The following MGST1 variants were observed in gnomAD, a reference collection of about 807,000 sequenced individuals.
MGST1 encodes the protein microsomal glutathione S-transferase 1, also known as glutathione S-transferase 12.
MGST1 carries 5 observed loss-of-function variants against 8.9 expected under a neutral mutation model. The observed-to-expected ratio is 0.56, with a 90% CI of 0.29 to 1.19. MGST1 has a LOEUF of 1.19. Ranked by LOEUF, MGST1 falls within the 50% of genes most tolerant of loss-of-function variation. The pLI is 0.08. For synonymous variants in MGST1, 54 were observed against 67.8 expected (o/e 0.80, Z 1.00); for missense variants, 182 against 187.4 (o/e 0.97, Z 0.17).
At chr12:16,372,611 C>G (rs1432524073) in intron 3 of MGST1, among the ~76,000 whole-genome samples, 2 of 151,968 alleles carry the variant, frequency 1.3e-5, no homozygotes, top group African/African-American at 4.8e-5. Flanking sequence ...TTGTGGAAAA[C>G]AGTATGAAGA....
At position 16,582,084 on chromosome 12, in the gene MGST1, T is replaced by TTAAA. The variant is rs1310118001; in HGVS notation, n.483-7442_483-7441insAATA. Among the ~76,000 whole-genome samples the TTAAA allele has an allele frequency of 6.6e-6, 1 of 152,190 alleles. No homozygotes were observed. Among genetic ancestry groups the TTAAA allele is most frequent in the Non-Finnish European group, 1.5e-5 (1 of 68,022 alleles). ...GGCTTTTTCTTGGCTTTAATGGAAATTACTTTAGTATTTAGCTGTTTTATA... is the reference window on the plus strand; with the variant it reads ...GGCTTTTTCTTGGCTTTAATGGAAATTAAATACTTTAGTATTTAGCTGTTTTATA... On this transcript the variant is annotated intron_variant and non_coding_transcript_variant, in intron 4 of 4. Coordinates refer to the MGST1 transcript ENST00000538857. The surrounding 1 kb of genome is among the most constrained non-coding windows in gnomAD (Gnocchi z 4.1).
At chr12:16,376,123 A>G in exon 4 of MGST1, 3 of 1,328,196 alleles carry the variant, frequency 2.3e-6, no homozygotes, top group Non-Finnish European at 3.1e-6. Context: ...ATTGTTTAGA[A>G]TCAAACAAAC....
rs541007495 is a variant in MGST1 at position 16,418,551 on chromosome 12, C to A, written n.779-18837C>A. On this transcript the variant is annotated intron_variant and non_coding_transcript_variant, in intron 1 of 1. Coordinates refer to the MGST1 transcript ENST00000359720. ...GAACCAAACTCAGTTCCCTCACTCA[C>A]CTCTGTTGTACCCAGAAGCAAACTC... Among the ~76,000 whole-genome samples the A allele has an allele frequency of 1.4e-4, 21 of 152,286 alleles. No homozygotes were observed. In the South Asian group the frequency reaches 4.1e-3, roughly 30 times the overall value.
At chr12:16,454,857 T>A (rs2137117062) in intron 4 of MGST1, among the ~76,000 whole-genome samples, 2 of 39,770 alleles carry the variant, frequency 5.0e-5, no homozygotes, top group Admixed American at 3.3e-4. Flanking sequence ...AAATCATCAG[T>A]AAGTTTAAGT....
rs539997539 is a variant in MGST1 at position 16,400,381 on chromosome 12, C to T, written n.778+16777C>T. 1.2e-4 allele frequency: 102 copies of T among 822,446 alleles called. 3 individuals are homozygous for T. The highest frequency in any genetic ancestry group is 7.9e-4 in the South Asian group (58 of 73,876). 50.9% of individuals were successfully genotyped at this position (822,446 alleles called of 1,614,324 possible). ...AGATATGAAGCGGAAGCCATTGACACGGGCCTCCAGTGAGCCTTGCAGCCT... is the reference window on the plus strand; with the variant it reads ...AGATATGAAGCGGAAGCCATTGACATGGGCCTCCAGTGAGCCTTGCAGCCT... On this transcript the variant is annotated intron_variant and non_coding_transcript_variant, in intron 1 of 1. Transcript: ENST00000359720.
intron 4 of MGST1, among the ~76,000 whole-genome samples, chr12:16,522,546 CATT>C (rs1398206806): frequency 6.6e-6 from 1 of 151,920 alleles, no homozygotes; most frequent in Non-Finnish European, 1.5e-5. Context: ...TACTTGCCAT[CATT>C]ATTATCCCCA....
At chr12:16,383,938 A>G (rs1052969215) in intron 1 of MGST1, among the ~76,000 whole-genome samples, 11 of 152,080 alleles carry the variant, frequency 7.2e-5, no homozygotes, top group Non-Finnish European at 1.2e-4. Context: ...ATTTTTTTTC[A>G]TTAACACTAT....
At chr12:16,416,672 T>C (rs1189618291) in intron 1 of MGST1, among the ~76,000 whole-genome samples, 2 of 152,108 alleles carry the variant, frequency 1.3e-5, no homozygotes, top group South Asian at 2.1e-4. Flanking sequence ...ACATTGGAGA[T>C]TGGGGTTTTA....
intron 4 of MGST1, among the ~76,000 whole-genome samples, chr12:16,507,412 A>T (rs759290094): frequency 6.6e-6 from 1 of 152,136 alleles, no homozygotes; most frequent in Non-Finnish European, 1.5e-5. Flanking sequence ...CATTTTTGGA[A>T]GTTAGTGAGA....
At chr12:16,460,675 C>G (rs1941212075) in intron 4 of MGST1, among the ~76,000 whole-genome samples, 1 of 150,358 alleles carries the variant, frequency 6.7e-6, no homozygotes, top group Admixed American at 6.6e-5. Flanking sequence ...ACTTCTAACT[C>G]ATTCTCTACG....
At chr12:16,426,830 G>A (rs1940893730) in intron 1 of MGST1, among the ~76,000 whole-genome samples, 1 of 151,872 alleles carries the variant, frequency 6.6e-6, no homozygotes, top group African/African-American at 2.4e-5. Flanking sequence ...AAATTAGCCG[G>A]GCGTGATGGC....
chr12:16,555,804 T>A lies in MGST1; in HGVS notation n.483-33724T>A, dbSNP rs972772109. On this transcript the variant is annotated intron_variant and non_coding_transcript_variant, in intron 4 of 4. Coordinates refer to the MGST1 transcript ENST00000538857. The surrounding 1 kb of genome is among the most constrained non-coding windows in gnomAD (Gnocchi z 5.5). ...GTTGCTCAATTTGCCTGAAAATTCC[T>A]TTCCTCACTGCTCCCTGGCTCCCTC... Among the ~76,000 whole-genome samples the A allele has an allele frequency of 2.0e-5, 3 of 152,178 alleles. No individual in the cohort carries two copies. The highest frequency in any genetic ancestry group is 4.4e-5 in the Non-Finnish European group (3 of 68,030).
chr12:16,347,165 T>C (rs2136890470), upstream of MGST1: 1 of 152,300 alleles, frequency 6.6e-6, no homozygotes, highest in South Asian at 2.1e-4. This position sits in a 1 kb window ranked among gnomAD's most constrained non-coding sequence, Gnocchi z 4.0. Context: ...AATTGTCTGG[T>C]ATCATGAATT....
chr12:16,494,502 T>C lies in MGST1; in HGVS notation n.483-95026T>C, dbSNP rs189825146. ...AGACCTGGACTAACAAACAGAAATA[T>C]GTTAATCTATAAAATTCTTTGCAAG... On this transcript the variant is annotated intron_variant and non_coding_transcript_variant, in intron 4 of 4. Transcript: ENST00000538857. 4.3e-4 allele frequency among the ~76,000 whole-genome samples: 65 copies of C among 152,276 alleles called. No homozygotes were observed. The East Asian group carries it at 0.012, about 28-fold the overall frequency.
intron 1 of MGST1, among the ~76,000 whole-genome samples, chr12:16,404,717 CT>C (rs1425288255): frequency 6.6e-6 from 1 of 152,054 alleles, no homozygotes; most frequent in Admixed American, 6.6e-5. Context: ...TATTTTAATA[CT>C]TTTTTAAACT....
chr12:16,582,360 T>G lies in MGST1; in HGVS notation n.483-7168T>G, dbSNP rs994122854. ...CTATAGTATTATTCATTTTAGACAG[T>G]GACAGACTATTTGCTAATATCTTTC... On this transcript the variant is annotated intron_variant and non_coding_transcript_variant, in intron 4 of 4. Coordinates refer to the MGST1 transcript ENST00000538857. The surrounding 1 kb of genome is among the most constrained non-coding windows in gnomAD (Gnocchi z 4.1). Among the ~76,000 whole-genome samples the G allele has an allele frequency of 1.3e-5, 2 of 152,350 alleles. No homozygotes were observed. The highest frequency in any genetic ancestry group is 6.8e-3 in the Middle Eastern group (2 of 294).
Position 16,362,392 on chromosome 12 carries a change from T to A in MGST1, c.222-1403T>A, listed in dbSNP as rs1383573199. ...TTCATGTCTCTATGTAGTCATCCTC[T>A]TTGTGAGACAAGCTTAGAGATAATC... On this transcript the variant is annotated intron_variant, in intron 3 of 3. Coordinates refer to ENST00000396210, the MANE Select transcript of MGST1 (RefSeq NM_020300.5). This position sits in a 1 kb window ranked among gnomAD's most constrained non-coding sequence, Gnocchi z 4.4. Among the ~76,000 whole-genome samples the A allele has an allele frequency of 1.0e-5, 1 of 99,728 alleles. No homozygotes were observed. The highest frequency in any genetic ancestry group is 2.0e-5 in the Non-Finnish European group (1 of 51,008). The allele number at this position is 99,728 out of a possible 152,430, so 65.4% of individuals were successfully genotyped here.
downstream of MGST1, among the ~76,000 whole-genome samples, chr12:16,379,573 A>T (rs544967487): frequency 6.6e-6 from 1 of 152,214 alleles, no homozygotes; most frequent in Non-Finnish European, 1.5e-5. Flanking sequence ...GGATTTTTGC[A>T]TCAATGTTCA....
intron 4 of MGST1, among the ~76,000 whole-genome samples, chr12:16,578,825 AACAACAACAACAAC>A (rs1280215801): frequency 1.3e-5 from 1 of 79,472 alleles, no homozygotes; most frequent in Non-Finnish European, 3.0e-5. Context: ...CTCAAACAAC[AACAACAACAACAAC>A]AACAACAACA....
Sources: gnomAD v4.1 joint callset for allele counts (sites outside exome capture counted in the v4.1 genomes callset) on GRCh38, gnomAD v4.1.1 for gene constraint, Gnocchi (gnomAD v3.1) non-coding constraint, MANE v1.5 for transcripts, NCBI Gene and HGNC (gene_info 2026-07-23, HGNC 2026-07-21) for gene names.